Variants in FRZB observed in about 807,000 individuals in gnomAD.
FRZB encodes the protein secreted frizzled-related protein 3.
A neutral mutation model predicts 32.5 loss-of-function variants in FRZB; 34 were observed. That is an observed-to-expected ratio of 1.05 (90% CI 0.80 to 1.39). The LOEUF (loss-of-function observed/expected upper bound fraction) is 1.39. FRZB is among the 40% of genes most tolerant of loss of function. FRZB has a pLI of 0.00. For missense variants in FRZB, 423 were observed against 424.8 expected, an observed-to-expected ratio of 1.00 and a Z score of 0.04; for synonymous variants, 170 against 159.2, an observed-to-expected ratio of 1.07 and a Z score of -0.51.
intron 2 of FRZB, among the ~76,000 whole-genome samples, chr2:182,854,208 G>A (rs995168319): frequency 6.6e-6 from 1 of 152,158 alleles, no homozygotes; most frequent in African/African-American, 2.4e-5. Context: ...GTTGCAGAGA[G>A]TGGTTACTTT....
chr2:182,843,718 G>C (rs373198203), intron 2 of FRZB, among the ~76,000 whole-genome samples: 9 of 152,238 alleles, frequency 5.9e-5, no homozygotes, highest in African/African-American at 2.2e-4. Flanking sequence ...AATTGCTTTA[G>C]CCCAGGAGTT....
intron 2 of FRZB, 118 bp from the exon 3 acceptor site, chr2:182,842,661 A>T: frequency 1.5e-6 from 1 of 686,920 alleles, no homozygotes; most frequent in Non-Finnish European, 2.5e-6. Context: ...GGCTCTTGTC[A>T]ATTCTGTGTG....
At chr2:182,853,698 A>G (rs1342783425) in intron 2 of FRZB, among the ~76,000 whole-genome samples, 1 of 152,214 alleles carries the variant, frequency 6.6e-6, no homozygotes. Flanking sequence ...AACTGTCCCA[A>G]TGTAATGAAA....
intron 5 of FRZB, 40 bp downstream of exon 5, chr2:182,837,908 G>T: frequency 6.6e-7 from 1 of 1,516,382 alleles, no homozygotes; most frequent in Admixed American, 1.8e-5. Flanking sequence ...CTTTTGTTTT[G>T]TTTTCTGTGT....
At chr2:182,840,684 A>G (rs1043912028) in intron 3 of FRZB, among the ~76,000 whole-genome samples, 2 of 152,094 alleles carry the variant, frequency 1.3e-5, no homozygotes, top group Admixed American at 1.3e-4. Context: ...TCCCAGACAA[A>G]TGGCAATCCT....
At chr2:182,863,562 C>T (rs7607737) in intron 1 of FRZB, among the ~76,000 whole-genome samples, 24,006 of 152,108 alleles carry the variant, frequency 0.16, 2,533 homozygotes, top group African/African-American at 0.3. Context: ...TTTGAAAATC[C>T]TCTTGGCATC....
At chr2:182,838,222 C>G (rs2105751861) in intron 4 of FRZB, among the ~76,000 whole-genome samples, 187 bp downstream of exon 4, 1 of 152,026 alleles carries the variant, frequency 6.6e-6, no homozygotes, top group Non-Finnish European at 1.5e-5. Context: ...AAAATGTAAA[C>G]CTATAAACTA....
At chr2:182,853,243 C>T (rs1172058661) in intron 2 of FRZB, among the ~76,000 whole-genome samples, 3 of 152,132 alleles carry the variant, frequency 2.0e-5, no homozygotes, top group African/African-American at 2.4e-5. Context: ...ACACCACATT[C>T]GTTCTAGGTA....
At chr2:182,852,118 C>T (rs1695716747) in intron 2 of FRZB, among the ~76,000 whole-genome samples, 1 of 152,068 alleles carries the variant, frequency 6.6e-6, no homozygotes, top group Admixed American at 6.5e-5. Context: ...AGTCAGTAAA[C>T]ATTTGTACCA....
chr2:182,845,200 C>T (rs942048393), intron 2 of FRZB, among the ~76,000 whole-genome samples: 1 of 152,124 alleles, frequency 6.6e-6, no homozygotes, highest in Non-Finnish European at 1.5e-5. Flanking sequence ...CGTACACATC[C>T]CCACAAGCCC....
At chr2:182,845,133 C>T (rs928818290) in intron 2 of FRZB, among the ~76,000 whole-genome samples, 5 of 152,120 alleles carry the variant, frequency 3.3e-5, no homozygotes, top group Admixed American at 6.5e-5. Context: ...AAAAGGGTAT[C>T]TTAGATCAAT....
intron 3 of FRZB, among the ~76,000 whole-genome samples, 183 bp from the exon 4 acceptor site, chr2:182,838,796 C>T (rs558179983): frequency 6.6e-6 from 1 of 152,146 alleles, no homozygotes; most frequent in South Asian, 2.1e-4. Context: ...AACAACACAC[C>T]TGACCTAATG....
At chr2:182,842,892 G>A (rs1287122294) in intron 2 of FRZB, among the ~76,000 whole-genome samples, 1 of 152,132 alleles carries the variant, frequency 6.6e-6, no homozygotes, top group East Asian at 1.9e-4. Context: ...AATACCAACT[G>A]GGAGGCAATT....
At chr2:182,842,590 C>A (rs768490703) in intron 2 of FRZB, 47 bp from the exon 3 acceptor site, 1 of 1,488,304 alleles carries the variant, frequency 6.7e-7, no homozygotes, top group East Asian at 2.3e-5. Flanking sequence ...TATTAGCTTT[C>A]TTTTGTTTTG....
chr2:182,847,746 G>A (rs957861569), intron 2 of FRZB, among the ~76,000 whole-genome samples: 8 of 152,204 alleles, frequency 5.3e-5, no homozygotes, highest in African/African-American at 1.4e-4. Context: ...GGGCATGTAA[G>A]CAAAGAAAGT....
chr2:182,839,235 A>G (rs1393629510), intron 3 of FRZB, among the ~76,000 whole-genome samples: 3 of 151,990 alleles, frequency 2.0e-5, no homozygotes, highest in East Asian at 3.9e-4. Flanking sequence ...TGGTCAGTAC[A>G]GATTATCTTT....
intron 2 of FRZB, among the ~76,000 whole-genome samples, chr2:182,843,497 T>A (rs922770078): frequency 2.6e-5 from 4 of 152,192 alleles, no homozygotes; most frequent in East Asian, 1.9e-4. Context: ...ATGTAAAGAT[T>A]TCTTTAAATA....
chr2:182,840,536 A>G (rs1221807258), intron 3 of FRZB, among the ~76,000 whole-genome samples: 1 of 152,094 alleles, frequency 6.6e-6, no homozygotes, highest in African/African-American at 2.4e-5. Context: ...GTTTTGTCTG[A>G]ATTTCCAACT....
In FRZB at chr2:182,838,607, C is replaced by T. The variant is rs758921569; in HGVS notation, c.599G>A (p.Arg200Gln). The T allele has an allele frequency of 5.0e-6, 8 of 1,611,628 alleles. No homozygotes were observed. The highest frequency in any genetic ancestry group is 4.5e-5 in the East Asian group (2 of 44,832). The change falls in exon 4 of 6, where the codon CGG becomes CAG. Residue 200 changes from arginine to glutamine, a missense_variant. Arg to Gln is a conservative substitution (Grantham distance 43). Transcript: ENST00000295113. ...YFRNNYNYVI[R>Q]AKVKEIKTKC... ...AGTCTTTATCTCTTTAACTTTAGCC[C>T]GAATGACTGGGATAAAAGACAAGAA...
Sources: allele counts gnomAD v4.1 joint callset (sites outside exome capture counted in the v4.1 genomes callset), GRCh38; gene constraint gnomAD v4.1.1; transcripts MANE v1.5; gene names NCBI Gene and HGNC (gene_info 2026-07-23, HGNC 2026-07-21).